SPOCK3: variants seen among roughly 807,000 people sequenced by gnomAD.
SPOCK3 encodes SPARC (osteonectin), cwcv and kazal like domains proteoglycan 3.
Under a neutral mutation model 56.6 loss-of-function variants are expected in SPOCK3, and 30 were observed. The ratio of observed to expected loss-of-function variants is 0.53; its 90% CI spans 0.40 to 0.72. SPOCK3 has a LOEUF of 0.72. Ranked by LOEUF, SPOCK3 falls within the 30% of genes least tolerant of loss-of-function variation. The pLI is 0.00. For missense variants in SPOCK3, 527 were observed against 530.0 expected (o/e 0.99, Z 0.06); for synonymous variants, 196 against 183.3 (o/e 1.07, Z -0.56).
chr4:167,080,944 G>C (rs1432302855), intron 2 of SPOCK3, among the ~76,000 whole-genome samples: 1 of 145,354 alleles, frequency 6.9e-6, no homozygotes, highest in East Asian at 2.1e-4. Context: ...GCAATGGCAC[G>C]ATCTCGTCTC....
chr4:166,749,859 A>T (rs917719403), intron 8 of SPOCK3, among the ~76,000 whole-genome samples: 1 of 152,048 alleles, frequency 6.6e-6, no homozygotes, highest in Admixed American at 6.6e-5. Context: ...CAAATATGAC[A>T]TTTAAGAACT....
At chr4:166,943,386 A>C (rs1741342190) in intron 4 of SPOCK3, among the ~76,000 whole-genome samples, 1 of 152,210 alleles carries the variant, frequency 6.6e-6, no homozygotes, top group Non-Finnish European at 1.5e-5. Flanking sequence ...GCATAAAGTA[A>C]GTTAAAAAGA....
chr4:166,944,096 G>A (rs995798567), intron 4 of SPOCK3, among the ~76,000 whole-genome samples: 4 of 152,132 alleles, frequency 2.6e-5, no homozygotes, highest in Admixed American at 1.3e-4. Flanking sequence ...ACAGTGAGAC[G>A]GGTTTGCGCC....
intron 4 of SPOCK3, among the ~76,000 whole-genome samples, chr4:166,932,324 A>C (rs1205549533): frequency 1.3e-5 from 2 of 152,168 alleles, no homozygotes; most frequent in Non-Finnish European, 2.9e-5. Flanking sequence ...TCTTGGATAT[A>C]AATCTTCAGT....
intron 2 of SPOCK3, among the ~76,000 whole-genome samples, chr4:167,067,751 A>T (rs1756298570): frequency 6.6e-6 from 1 of 151,818 alleles, no homozygotes; most frequent in East Asian, 1.9e-4. Context: ...TGAACATCTT[A>T]GCAATATTCT....
chr4:167,063,756 C>G (rs191026221), intron 2 of SPOCK3, among the ~76,000 whole-genome samples: 7 of 151,996 alleles, frequency 4.6e-5, no homozygotes, highest in Admixed American at 4.6e-4. Flanking sequence ...CTCCTACTTA[C>G]AAGTGAGAAC....
chr4:166,914,763 AAAAAT>A (rs1306364751), intron 4 of SPOCK3, among the ~76,000 whole-genome samples: 4 of 152,164 alleles, frequency 2.6e-5, no homozygotes, highest in Admixed American at 6.6e-5. Context: ...CTCCGTCTCA[AAAAAT>A]AAAATAAAAT....
chr4:166,810,675 TCTTA>T (rs1262327600), intron 6 of SPOCK3, among the ~76,000 whole-genome samples: 1 of 152,044 alleles, frequency 6.6e-6, no homozygotes, highest in Non-Finnish European at 1.5e-5. Context: ...TATCATACTT[TCTTA>T]AAAATATATT....
Position 167,178,125 on chromosome 4 carries a change from C to T in SPOCK3, c.189+55860G>A, listed in dbSNP as rs554458464. 3.3e-5 allele frequency among the ~76,000 whole-genome samples: 5 copies of T among 152,244 alleles called. No homozygotes were observed. In the East Asian group the frequency reaches 9.7e-4, roughly 29 times the overall value. ...CAGCAGCCAGCAGCAGCTGTAGTGACAAACATAATGCCACATTTCCCAGCC... is the reference window on the plus strand; with the variant it reads ...CAGCAGCCAGCAGCAGCTGTAGTGATAAACATAATGCCACATTTCCCAGCC... On this transcript the variant is annotated intron_variant, in intron 2 of 10. Transcript: ENST00000357545.
In SPOCK3 at chr4:167,082,450, G is replaced by A. The variant is rs1470139944; in HGVS notation, c.190-19913C>T. 2.0e-5 allele frequency among the ~76,000 whole-genome samples: 3 copies of A among 151,944 alleles called. No homozygotes were observed. The South Asian group carries it at 6.2e-4, about 31-fold the overall frequency. On this transcript the variant is annotated intron_variant, in intron 2 of 10. Coordinates refer to ENST00000357545, the MANE Select transcript of SPOCK3 (RefSeq NM_001040159.2). The stretch of plus-strand genomic sequence containing the variant: ...ATTGTCTGTTTGTAAATAAAGTTGT[G>A]TTGTAATTTGTTTACATATTGTCCG...
intron 3 of SPOCK3, among the ~76,000 whole-genome samples, chr4:167,021,547 A>T (rs1751172513): frequency 6.6e-6 from 1 of 152,070 alleles, no homozygotes; most frequent in Admixed American, 6.6e-5. Context: ...GGAAGGCTAA[A>T]CAGGGGAATG....
chr4:167,122,856 C>T (rs1378445385), intron 2 of SPOCK3, among the ~76,000 whole-genome samples: 3 of 152,004 alleles, frequency 2.0e-5, no homozygotes, highest in African/African-American at 7.2e-5. Flanking sequence ...AATTTACCCA[C>T]CTTTGCAATC....
chr4:166,990,481 TTATTC>T (rs1747663638), intron 4 of SPOCK3, among the ~76,000 whole-genome samples: 1 of 152,080 alleles, frequency 6.6e-6, no homozygotes, highest in Non-Finnish European at 1.5e-5. Flanking sequence ...AATAGAAAGA[TTATTC>T]AGGCTGAAAT....
intron 8 of SPOCK3, among the ~76,000 whole-genome samples, chr4:166,744,081 T>C (rs1735239905): frequency 6.6e-6 from 1 of 152,194 alleles, no homozygotes; most frequent in African/African-American, 2.4e-5. Context: ...TAAACGTCCC[T>C]GTCTGACAGC....
chr4:166,841,325 T>C (rs1747284470), intron 6 of SPOCK3, among the ~76,000 whole-genome samples: 1 of 152,168 alleles, frequency 6.6e-6, no homozygotes. Flanking sequence ...ACCAGTAGGA[T>C]GTCACAGAAT....
chr4:166,746,055 A>T (rs1030048147), intron 8 of SPOCK3, among the ~76,000 whole-genome samples: 3 of 152,186 alleles, frequency 2.0e-5, no homozygotes, highest in Admixed American at 2.0e-4. Flanking sequence ...TTAACACCCT[A>T]CTGTCAACAT....
At chr4:166,863,385 G>A (rs1342437747) in intron 6 of SPOCK3, among the ~76,000 whole-genome samples, 3 of 152,074 alleles carry the variant, frequency 2.0e-5, no homozygotes, top group African/African-American at 7.2e-5. Flanking sequence ...CAACGAATGT[G>A]CAAAATAACC....
chr4:167,041,185 TCTC>T (rs1187960861), intron 3 of SPOCK3, among the ~76,000 whole-genome samples: 1 of 152,154 alleles, frequency 6.6e-6, no homozygotes, highest in Admixed American at 6.6e-5. Context: ...TATCACTGTC[TCTC>T]CTCTTTGTAA....
chr4:167,037,494 GAA>G (rs34198420), intron 3 of SPOCK3, among the ~76,000 whole-genome samples: 27,378 of 141,752 alleles, frequency 0.19, 2,888 homozygotes, highest in African/African-American at 0.3. Flanking sequence ...AAAAGAAGAA[GAA>G]AAAAAAAAAA....
Sources: gnomAD v4.1 joint callset for allele counts (sites outside exome capture counted in the v4.1 genomes callset) on GRCh38, gnomAD v4.1.1 for gene constraint, MANE v1.5 for transcripts, NCBI Gene and HGNC (gene_info 2026-07-23, HGNC 2026-07-21) for gene names.